Variants in WDFY4 observed in about 807,000 individuals in gnomAD.
WDFY4 encodes the protein WDFY family member 4, also known as WD repeat- and FYVE domain-containing protein 4.
In WDFY4, 169 loss-of-function variants were observed where a neutral mutation model predicts 351.9. The ratio of observed to expected loss-of-function variants is 0.48; its 90% confidence interval spans 0.42 to 0.55. WDFY4 has a LOEUF of 0.55. WDFY4 is among the 20% of genes least tolerant of loss of function. WDFY4 has a pLI of 0.00. For synonymous variants in WDFY4, 1,622 were observed against 1,574.6 expected, an observed-to-expected ratio of 1.03 and a Z score of -0.71; for missense variants, 3,803 against 3,935.6, an observed-to-expected ratio of 0.97 and a Z score of 0.90.
At chr10:48,728,926 A>C (rs941110637) in intron 7 of WDFY4, among the ~76,000 whole-genome samples, 1 of 152,206 alleles carries the variant, frequency 6.6e-6, no homozygotes, top group African/African-American at 2.4e-5. Flanking sequence ...CGCTGCAAGA[A>C]CTTTTCCTCT....
At chr10:48,776,678 G>C (rs1589580462) in intron 15 of WDFY4, 72 bp from the exon 16 acceptor site, 7 of 1,338,514 alleles carry the variant, frequency 5.2e-6, no homozygotes, top group African/African-American at 1.5e-5. Context: ...CAGATACTTT[G>C]GGGTTATTGT....
At chr10:48,698,736 G>C (rs867905913) in intron 1 of WDFY4, among the ~76,000 whole-genome samples, 9 of 152,336 alleles carry the variant, frequency 5.9e-5, no homozygotes, top group African/African-American at 1.9e-4. Flanking sequence ...GATGGGAAAT[G>C]TGGACAGGTC....
chr10:48,716,326 T>G (rs1483627568), intron 2 of WDFY4, among the ~76,000 whole-genome samples: 1 of 152,228 alleles, frequency 6.6e-6, no homozygotes, highest in Non-Finnish European at 1.5e-5. Context: ...AGCTTAGCCA[T>G]TCTTTATTTT....
intron 2 of WDFY4, among the ~76,000 whole-genome samples, chr10:48,716,659 C>T (rs1453947512): frequency 6.6e-6 from 1 of 152,224 alleles, no homozygotes; most frequent in Non-Finnish European, 1.5e-5. Flanking sequence ...CTTGGGAGAT[C>T]TGGCTCAGAG....
intron 32 of WDFY4, among the ~76,000 whole-genome samples, chr10:48,817,974 CAT>C (rs1057234381): frequency 1.3e-5 from 2 of 152,192 alleles, no homozygotes; most frequent in African/African-American, 4.8e-5. Flanking sequence ...TATGGGAAGA[CAT>C]GTGAGTTTGA....
rs1272105655 is a variant in WDFY4 at position 48,735,954 on chromosome 10, C to T, written c.1762C>T (p.Leu588Phe). The T allele has an allele frequency of 6.4e-7, 1 of 1,551,816 alleles. No homozygotes were observed. Among genetic ancestry groups the T allele is most frequent in the East Asian group, 2.4e-5 (1 of 40,924 alleles). Residue 588 changes from leucine to phenylalanine, a missense_variant, in exon 11 of 62, where the codon CTC becomes TTC. Around this residue, in one of 3 missense-constraint regions of WDFY4, gnomAD observed 261 missense variants for 330.2 expected, o/e 0.79. Coordinates refer to ENST00000325239, the MANE Select transcript of WDFY4 (RefSeq NM_001394531.1). ...TGACGAGTGCTACCGGGAGGCCTCG[C>T]TCAGCATCTTGGAGCAGCTCTCAGC... ...LDDECYREAS[L>F]SILEQLSAIN...
intron 11 of WDFY4, among the ~76,000 whole-genome samples, 198 bp from the exon 12 acceptor site, chr10:48,742,770 A>G (rs933631473): frequency 5.3e-5 from 8 of 152,234 alleles, no homozygotes; most frequent in African/African-American, 1.9e-4. Flanking sequence ...AGATTAGTGT[A>G]GTAGGCACAC....
rs904945215 is a variant in WDFY4, at chr10:48,976,826, C to T, written c.9138C>T (p.His3046=). The T allele has an allele frequency of 3.3e-6, 5 of 1,506,948 alleles. No homozygotes were observed. The African/African-American group carries it at 4.2e-5, about 13-fold the overall frequency. 93.3% of individuals were successfully genotyped at this position (1,506,948 alleles called of 1,614,324 possible). ...CCATTGTCTCCTGTGCGGGAGCACACTTGTCCCTGTGGAATGTCAATGGAC... is the reference window on the plus strand; with the variant it reads ...CCATTGTCTCCTGTGCGGGAGCACATTTGTCCCTGTGGAATGTCAATGGAC... ...SGTIVSCAGA[H]LSLWNVNGQP... Residue 3046 remains histidine, a synonymous_variant, in exon 59 of 62, where the codon CAC becomes CAT. Coordinates refer to ENST00000325239, the MANE Select transcript of WDFY4 (RefSeq NM_001394531.1).
intron 47 of WDFY4, chr10:48,913,682 G>A: frequency 1.2e-6 from 2 of 1,613,442 alleles, no homozygotes; most frequent in South Asian, 2.2e-5. Context: ...TCACGGGGAT[G>A]TTGTTCAGTA....
chr10:48,746,655 T>A lies in WDFY4; in HGVS notation c.2459+3107T>A, dbSNP rs114024491. Reference sequence around the variant, plus strand: ...AAACATTTTTGGTCTTATTTTTGAATTGATTTTAAAAAATTGTGTTTCCTA... The same window carrying A: ...AAACATTTTTGGTCTTATTTTTGAAATGATTTTAAAAAATTGTGTTTCCTA... On this transcript the variant is annotated intron_variant, in intron 12 of 61. Transcript: ENST00000325239. 4.1e-3 allele frequency among the ~76,000 whole-genome samples: 625 copies of A among 152,300 alleles called. 5 individuals are homozygous for A. Among genetic ancestry groups the A allele is most frequent in the African/African-American group, 0.014 (597 of 41,582 alleles).
chr10:48,808,804 C>A (rs926788970), intron 28 of WDFY4, among the ~76,000 whole-genome samples: 1 of 152,210 alleles, frequency 6.6e-6, no homozygotes, highest in African/African-American at 2.4e-5. Context: ...TAGTGCAGTG[C>A]CTAACAGCTG....
At chr10:48,797,734 T>A (rs1202318031) in intron 24 of WDFY4, among the ~76,000 whole-genome samples, 11 of 152,220 alleles carry the variant, frequency 7.2e-5, no homozygotes, top group Admixed American at 7.2e-4. Flanking sequence ...TAGATGGGAC[T>A]TTTGTGCTGA....
intron 5 of WDFY4, 90 bp downstream of exon 5, chr10:48,723,657 T>C: frequency 6.7e-7 from 1 of 1,503,012 alleles, no homozygotes; most frequent in South Asian, 1.3e-5. Flanking sequence ...CTTTTGTCTT[T>C]CTCAGCCCTG....
intron 22 of WDFY4, 100 bp from the exon 23 acceptor site, chr10:48,790,627 G>A (rs762995810): frequency 3.3e-5 from 44 of 1,334,308 alleles, no homozygotes; most frequent in Non-Finnish European, 3.6e-5. Flanking sequence ...TGGATGGATG[G>A]TGGCACTGGT....
rs114000731 is a variant in WDFY4 at position 48,890,295 on chromosome 10, G to A, written c.7168-284G>A. Among the ~76,000 whole-genome samples the A allele has an allele frequency of 4.8e-3, 732 of 152,212 alleles. 12 individuals carry two copies. The highest frequency in any genetic ancestry group is 0.017 in the African/African-American group (703 of 41,532). ...GTAGAGGGCCTTAAAGTGAGAGAAA[G>A]GACTTTGATGTGCTGAATATAGCAG... On this transcript the variant is annotated intron_variant, in intron 43 of 61. Coordinates refer to ENST00000325239, the MANE Select transcript of WDFY4 (RefSeq NM_001394531.1).
chr10:48,731,264 G>T lies in WDFY4; in HGVS notation c.1284G>T (p.Gln428His), dbSNP rs1055574215. Residue 428 changes from glutamine to histidine, a missense_variant, in exon 9 of 62, where the codon CAG (glutamine) becomes CAT (histidine). Physicochemically the swap from Gln to His is conservative, Grantham distance 24. Coordinates refer to ENST00000325239, the MANE Select transcript of WDFY4 (RefSeq NM_001394531.1). ...TCTTCCTGCTGGAGTGGACCCTGCAGCCCATCTCGCAGTTTGTAGAGATCA... is the reference window on the plus strand; with the variant it reads ...TCTTCCTGCTGGAGTGGACCCTGCATCCCATCTCGCAGTTTGTAGAGATCA... ...RNFFLLEWTLQPISQFVEIMP... is the reference protein window; with the variant it reads ...RNFFLLEWTLHPISQFVEIMP... 3.2e-6 allele frequency: 5 copies of T among 1,551,958 alleles called. No homozygotes were observed. Among genetic ancestry groups the T allele is most frequent in the Non-Finnish European group, 4.4e-6 (5 of 1,147,042 alleles).
Position 48,900,324 on chromosome 10 carries a change from C to A in WDFY4, c.7523+18C>A, listed in dbSNP as rs1442869965. The A allele has an allele frequency of 6.5e-7, 1 of 1,545,696 alleles. No individual in the cohort carries two copies. The highest frequency in any genetic ancestry group is 1.4e-5 in the African/African-American group (1 of 72,490). Reference sequence around the variant, plus strand: ...TTTAAAAGGTAAGAGCTTGAAAATCCTCCTTCTGAGGAAACTGATCCTGAA... The same window carrying A: ...TTTAAAAGGTAAGAGCTTGAAAATCATCCTTCTGAGGAAACTGATCCTGAA... On this transcript the variant is annotated intron_variant, in intron 46 of 61. Coordinates refer to ENST00000325239, the MANE Select transcript of WDFY4 (RefSeq NM_001394531.1).
intron 20 of WDFY4, among the ~76,000 whole-genome samples, chr10:48,787,942 CTTCTTCT>C (rs2066523286): frequency 9.6e-6 from 1 of 104,404 alleles, no homozygotes; most frequent in Admixed American, 1.1e-4. Flanking sequence ...TCTTCTTCTT[CTTCTTCT>C]TCTTCTTCTT....
Position 48,720,107 on chromosome 10 carries a change from C to G in WDFY4, c.331C>G (p.Leu111Val), listed in dbSNP as rs1473150238. ...DQLAQQLQKA[L>V]VGKPAEQARL... ...GCTTGCCCAGCAACTCCAGAAGGCC[C>G]TTGTGGGGAAGCCTGCGGGTAAGAG... The change falls in exon 3 of 62, where the codon CTT becomes GTT. Residue 111 changes from leucine to valine, a missense_variant. Leu to Val is a conservative substitution (Grantham distance 32, BLOSUM62 1). Coordinates refer to ENST00000325239, the MANE Select transcript of WDFY4 (RefSeq NM_001394531.1). 6.4e-7 allele frequency: 1 copy of G among 1,551,842 alleles called. No homozygotes were observed. The highest frequency in any genetic ancestry group is 8.7e-7 in the Non-Finnish European group (1 of 1,147,018).
Sources: gnomAD v4.1 joint callset for allele counts (sites outside exome capture counted in the v4.1 genomes callset) on GRCh38, gnomAD v4.1.1 for gene constraint, gnomAD v4.1.1 regional missense constraint, MANE v1.5 for transcripts, NCBI Gene and HGNC (gene_info 2026-07-23, HGNC 2026-07-21) for gene names.